NRXN1: variants seen among roughly 807,000 people sequenced by gnomAD.
NRXN1 encodes the protein neurexin-1.
A neutral mutation model predicts 150.9 loss-of-function variants in NRXN1; 39 were observed. The ratio of observed to expected loss-of-function variants is 0.26; its 90% CI spans 0.20 to 0.34. NRXN1 has a LOEUF of 0.34. NRXN1 is among the 10% of genes least tolerant of loss of function. The pLI, the probability that NRXN1 is intolerant of heterozygous loss-of-function variation, is 1.00. For synonymous variants in NRXN1, 924 were observed against 757.0 expected (o/e 1.22, Z -3.62); for missense variants, 1,815 against 1,949.9 (o/e 0.93, Z 1.30).
At position 50,188,999 on chromosome 2, in the gene NRXN1, C is replaced by T. The variant is rs781344151; in HGVS notation, c.3546+47790G>A. The stretch of plus-strand genomic sequence containing the variant: ...CTAGAGCCAGAAATATCATTTGACC[C>T]AGCAATCCCATTACTGGGTATATAC... On this transcript the variant is annotated intron_variant, in intron 18 of 22. Transcript: ENST00000401669. Among the ~76,000 whole-genome samples, 74 of 152,170 alleles carry T rather than the reference C, an allele frequency of 4.9e-4. 1 individual carries two copies. The highest frequency in any genetic ancestry group is 3.3e-4 in the Admixed American group (5 of 15,278).
intron 17 of NRXN1, among the ~76,000 whole-genome samples, chr2:50,456,851 T>C (rs2087615045): frequency 6.6e-6 from 1 of 152,108 alleles, no homozygotes; most frequent in Non-Finnish European, 1.5e-5. Context: ...GACTTAGTCT[T>C]TTTTTCTTTC....
At chr2:50,585,269 A>G (rs1310835450) in intron 8 of NRXN1, among the ~76,000 whole-genome samples, 3 of 152,172 alleles carry the variant, frequency 2.0e-5, no homozygotes, top group African/African-American at 7.2e-5. Context: ...AATAAGCCAG[A>G]CACAAAAATA....
At chr2:50,960,616 T>G (rs531492814) in intron 2 of NRXN1, among the ~76,000 whole-genome samples, 1 of 151,980 alleles carries the variant, frequency 6.6e-6, no homozygotes, top group African/African-American at 2.4e-5. Flanking sequence ...ATCTATGAAT[T>G]TCTAGACCTT....
chr2:50,989,968 T>G (rs948113133), intron 2 of NRXN1, among the ~76,000 whole-genome samples: 4 of 151,980 alleles, frequency 2.6e-5, no homozygotes, highest in African/African-American at 9.7e-5. Flanking sequence ...TTGCTCTACA[T>G]ACTTGCCAGT....
intron 19 of NRXN1, among the ~76,000 whole-genome samples, chr2:50,062,716 A>G (rs1694741861): frequency 6.6e-6 from 1 of 152,188 alleles, no homozygotes. Context: ...ACTATCGATC[A>G]GTAGAGACAA....
At chr2:50,397,972 T>C (rs951555390) in intron 17 of NRXN1, among the ~76,000 whole-genome samples, 52 of 152,156 alleles carry the variant, frequency 3.4e-4, no homozygotes, top group African/African-American at 1.2e-3. Flanking sequence ...CAAAACAAGA[T>C]AAAATCTTAC....
intron 18 of NRXN1, among the ~76,000 whole-genome samples, chr2:50,136,020 C>G (rs1418093602): frequency 6.6e-6 from 1 of 152,158 alleles, no homozygotes; most frequent in Admixed American, 6.5e-5. Flanking sequence ...CCTACTTTTC[C>G]TACTTGCCCA....
In NRXN1 at chr2:49,965,500, T is replaced by A. The variant is rs561341223; in HGVS notation, c.4129-21709A>T. 6.6e-5 allele frequency among the ~76,000 whole-genome samples: 10 copies of A among 152,160 alleles called. No individual in the cohort carries two copies. In the East Asian group the frequency reaches 1.2e-3, roughly 18 times the overall value. Reference sequence around the variant, plus strand: ...CCAGGCTGGTCTCGAACTCCTGACCTCAGGCGATCCACCCTCCTTGGCCTC... The same window carrying A: ...CCAGGCTGGTCTCGAACTCCTGACCACAGGCGATCCACCCTCCTTGGCCTC... On this transcript the variant is annotated intron_variant, in intron 21 of 22. Transcript: ENST00000401669.
chr2:50,084,056 A>G (rs1698392278), intron 19 of NRXN1, among the ~76,000 whole-genome samples: 2 of 152,208 alleles, frequency 1.3e-5, no homozygotes, highest in Non-Finnish European at 2.9e-5. Flanking sequence ...CAGAGTGCAG[A>G]TTGGTGCATC....
chr2:50,512,585 C>G (rs749707066), intron 12 of NRXN1, among the ~76,000 whole-genome samples: 14 of 152,164 alleles, frequency 9.2e-5, no homozygotes, highest in African/African-American at 1.2e-4. Flanking sequence ...TTACAGACAT[C>G]TCCATGGGAG....
At chr2:49,923,521 T>C (rs1444070218) in intron 22 of NRXN1, among the ~76,000 whole-genome samples, 1 of 152,214 alleles carries the variant, frequency 6.6e-6, no homozygotes, top group South Asian at 2.1e-4. Context: ...TGTGTGTTCA[T>C]GTATATGTAA....
chr2:50,220,922 A>T (rs2063834430), intron 18 of NRXN1, among the ~76,000 whole-genome samples: 1 of 151,996 alleles, frequency 6.6e-6, no homozygotes, highest in African/African-American at 2.4e-5. Flanking sequence ...CACACAAATC[A>T]TTGCAATTAA....
chr2:49,958,981 C>T (rs891658479), intron 21 of NRXN1, among the ~76,000 whole-genome samples: 1 of 152,148 alleles, frequency 6.6e-6, no homozygotes, highest in African/African-American at 2.4e-5. Context: ...TGCATGAGAG[C>T]ACTCAGTCAA....
chr2:50,932,396 G>C (rs571554181), intron 2 of NRXN1, among the ~76,000 whole-genome samples: 1 of 151,914 alleles, frequency 6.6e-6, no homozygotes, highest in South Asian at 2.1e-4. Flanking sequence ...TATGTATTAG[G>C]TCAATCTCTT....
chr2:50,009,668 C>T (rs891580328), intron 21 of NRXN1, among the ~76,000 whole-genome samples: 1 of 152,070 alleles, frequency 6.6e-6, no homozygotes, highest in East Asian at 1.9e-4. Flanking sequence ...AAAAGAGAGA[C>T]ATATCCAATT....
In NRXN1 at chr2:50,681,321, TTGAA is replaced by T. The variant is rs1397806388; in HGVS notation, c.833-57710_833-57707del. On this transcript the variant is annotated intron_variant, in intron 5 of 22. Coordinates refer to ENST00000401669, the MANE Select transcript of NRXN1 (RefSeq NM_001330078.2). ...CTCAGAAGACTAGACCAACTGGAAA[TTGAA>T]TGATCTTGATCTCTTTTAAGAAAAA... 2.6e-5 allele frequency among the ~76,000 whole-genome samples: 4 copies of T among 152,214 alleles called. No homozygotes were observed. In the East Asian group the frequency reaches 7.7e-4, roughly 29 times the overall value.
intron 17 of NRXN1, among the ~76,000 whole-genome samples, chr2:50,450,685 G>C (rs1009794935): frequency 6.6e-6 from 1 of 152,150 alleles, no homozygotes; most frequent in Non-Finnish European, 1.5e-5. Flanking sequence ...CTTGGAAAGT[G>C]AAACGATGCT....
At chr2:50,737,560 A>G (rs548082534) in intron 5 of NRXN1, among the ~76,000 whole-genome samples, 1 of 152,194 alleles carries the variant, frequency 6.6e-6, no homozygotes, top group African/African-American at 2.4e-5. Flanking sequence ...CGTGACCTCT[A>G]TGCTGCATAG....
intron 21 of NRXN1, chr2:49,972,894 C>G (rs901070001): frequency 6.6e-6 from 1 of 152,308 alleles, no homozygotes; most frequent in Non-Finnish European, 1.5e-5. Flanking sequence ...TTCTGATATG[C>G]AATCCCTTCT....
Sources: allele counts gnomAD v4.1 joint callset (sites outside exome capture counted in the v4.1 genomes callset), GRCh38; gene constraint gnomAD v4.1.1; transcripts MANE v1.5; gene names NCBI Gene and HGNC (gene_info 2026-07-23, HGNC 2026-07-21).